The following OSBPL5 variants were observed in gnomAD, a reference collection of about 807,000 sequenced individuals.
OSBPL5 encodes the protein oxysterol binding protein like 5, also known as oxysterol-binding protein-related protein 5.
OSBPL5 carries 71 observed loss-of-function variants against 111.2 expected under a neutral mutation model. The observed-to-expected ratio is 0.64, with a 90% CI of 0.53 to 0.78. The LOEUF is 0.78. Ranked by LOEUF, OSBPL5 falls within the 30% of genes least tolerant of loss-of-function variation. The probability of loss-of-function intolerance (pLI) is 0.00; values close to 1 mark genes in which losing one functional copy is unlikely to be tolerated. For synonymous variants in OSBPL5, 549 were observed against 513.9 expected, an observed-to-expected ratio of 1.07 and a Z score of -0.93; for missense variants, 1,210 against 1,189.3, an observed-to-expected ratio of 1.02 and a Z score of -0.26.
Position 3,120,493 on chromosome 11 carries a change from C to T in OSBPL5, c.534G>A (p.Glu178=). The change falls in exon 6 of 22, where the codon GAG becomes GAA. Residue 178 remains glutamate (E), a synonymous_variant. Transcript: ENST00000263650. ...AGAAGCCGTCCTTCTTGGAGGGCCG[C>T]TCGATGAGCTCGCAGCAGTGCAGCA... ...TVLLHCCELI[E]RPSKKDGFCF... 1 of 1,613,388 alleles carries T rather than the reference C, an allele frequency of 6.2e-7. No homozygotes were observed. Among genetic ancestry groups the T allele is most frequent in the Non-Finnish European group, 8.5e-7 (1 of 1,180,038 alleles).
intron 10 of OSBPL5, among the ~76,000 whole-genome samples, chr11:3,103,863 G>GCCTGCGTA (rs1857593989): frequency 2.4e-5 from 1 of 42,122 alleles, no homozygotes; most frequent in African/African-American, 8.6e-5. Context: ...AGTCTGCGCA[G>GCCTGCGTA]CCCCCTTCCT....
Position 3,126,637 on chromosome 11 carries a change from C to T in OSBPL5, c.137-82G>A, listed in dbSNP as rs1386359888. 1.5e-5 allele frequency: 19 copies of T among 1,272,448 alleles called. No homozygotes were observed. The highest frequency in any genetic ancestry group is 2.6e-5 in the East Asian group (1 of 38,922). 78.8% of individuals were successfully genotyped at this position (1,272,448 alleles called of 1,614,324 possible). Reference sequence around the variant, plus strand: ...AGGCCGCTGCCTGGTGTGAGGCAGGCGAAGCGTGGGTGCGGATGACCTGGG... The same window carrying T: ...AGGCCGCTGCCTGGTGTGAGGCAGGTGAAGCGTGGGTGCGGATGACCTGGG... On this transcript the variant is annotated intron_variant, in intron 2 of 21. Coordinates refer to ENST00000263650, the MANE Select transcript of OSBPL5 (RefSeq NM_020896.4). The surrounding 1 kb of genome is among the most constrained non-coding windows in gnomAD (Gnocchi z 6.5).
intron 3 of OSBPL5, among the ~76,000 whole-genome samples, 163 bp from the exon 4 acceptor site, chr11:3,122,591 G>T (rs1858462687): frequency 6.6e-6 from 1 of 152,188 alleles, no homozygotes; most frequent in Non-Finnish European, 1.5e-5. Context: ...CACTTCCGGG[G>T]CTGCCATGGG....
At chr11:3,094,471 C>T (rs1857182616) in intron 14 of OSBPL5, 137 bp from the exon 15 acceptor site, 4 of 644,662 alleles carry the variant, frequency 6.2e-6, no homozygotes, top group South Asian at 1.8e-5. Context: ...TGTGTCAGTC[C>T]CTGGGAGGGT....
intron 1 of OSBPL5, among the ~76,000 whole-genome samples, chr11:3,153,761 C>T (rs775295470): frequency 5.9e-5 from 9 of 152,400 alleles, no homozygotes; most frequent in East Asian, 1.9e-4. Context: ...CCGGGAAGCA[C>T]AGCCCCAAGT....
chr11:3,126,715 G>C lies in OSBPL5; in HGVS notation c.137-160C>G, dbSNP rs1398812896. 3 of 542,192 alleles carry C rather than the reference G, an allele frequency of 5.5e-6. No homozygotes were observed. Among genetic ancestry groups the C allele is most frequent in the Non-Finnish European group, 9.8e-6 (3 of 307,536 alleles). The allele number at this position is 542,192 out of a possible 1,614,324, so 33.6% of individuals were successfully genotyped here. ...GGCAGGAACAGGACACTGCCTGAGA[G>C]GTGTAATAAACGCCAGCAAGCGTCA... On this transcript the variant is annotated intron_variant, in intron 2 of 21. Transcript: ENST00000263650. This position sits in a 1 kb window ranked among gnomAD's most constrained non-coding sequence, Gnocchi z 6.5.
intron 15 of OSBPL5, 79 bp from the exon 16 acceptor site, chr11:3,093,914 A>G: frequency 1.3e-6 from 2 of 1,501,612 alleles, no homozygotes; most frequent in Non-Finnish European, 1.8e-6. Flanking sequence ...GGGGCACGGA[A>G]CAGTTATTCT....
At position 3,092,913 on chromosome 11, in the gene OSBPL5, A is replaced by T; in HGVS notation, c.2086T>A (p.Phe696Ile). ...TCCTGGGTGATGGGGTCCAGGTGGA[A>T]CAGCTGCGGCTTCCAGGGCATGAGG... ...ESLMPWKPQLFHLDPITQEWH... is the reference protein window; with the variant it reads ...ESLMPWKPQLIHLDPITQEWH... Residue 696 changes from phenylalanine to isoleucine, a missense_variant, in exon 18 of 22, where the codon TTC (phenylalanine) becomes ATC (isoleucine). Coordinates refer to ENST00000263650, the MANE Select transcript of OSBPL5 (RefSeq NM_020896.4). This position sits in a 1 kb window ranked among gnomAD's most constrained non-coding sequence, Gnocchi z 5.4. The T allele has an allele frequency of 6.4e-7, 1 of 1,565,722 alleles. No individual in the cohort carries two copies. Among genetic ancestry groups the T allele is most frequent in the Non-Finnish European group, 8.7e-7 (1 of 1,155,098 alleles).
intron 11 of OSBPL5, 85 bp downstream of exon 11, chr11:3,103,154 G>T: frequency 8.1e-7 from 1 of 1,230,322 alleles, no homozygotes; most frequent in South Asian, 1.4e-5. Context: ...GTGGCCCGGG[G>T]ACTCAGGGAA....
In OSBPL5 at chr11:3,093,261, G is replaced by A. The variant is rs568678962; in HGVS notation, c.1947-209C>T. ...AACACTGAGCTCCCATCTCCCGCCT[G>A]CAGGGACCTCCCTGTGCACCTGTTG... On this transcript the variant is annotated intron_variant, in intron 17 of 21. Transcript: ENST00000263650. 30 of 735,720 alleles carry A rather than the reference G, an allele frequency of 4.1e-5. No individual in the cohort carries two copies. The South Asian group carries it at 5.1e-4, about 12-fold the overall frequency. The allele number at this position is 735,720 out of a possible 1,614,324, so 45.6% of individuals were successfully genotyped here.
In OSBPL5 at chr11:3,120,461, T is replaced by C; in HGVS notation, c.566A>G (p.Lys189Arg). ...RPSKKDGFCF[K>R]LFHPLDQSVW... ...GGACTGATCCAGCGGGTGGAAGAGCTTGAAGCAGAAGCCGTCCTTCTTGGA... is the reference window on the plus strand; with the variant it reads ...GGACTGATCCAGCGGGTGGAAGAGCCTGAAGCAGAAGCCGTCCTTCTTGGA... Residue 189 changes from lysine (K) to arginine (R), a missense_variant, in exon 6 of 22, where the codon AAG becomes AGG. By Grantham distance (26) the Lys-to-Arg change is conservative. Coordinates refer to ENST00000263650, the MANE Select transcript of OSBPL5 (RefSeq NM_020896.4). 6.2e-7 allele frequency: 1 copy of C among 1,613,296 alleles called. No individual in the cohort carries two copies. Among genetic ancestry groups the C allele is most frequent in the Non-Finnish European group, 8.5e-7 (1 of 1,180,002 alleles).
chr11:3,101,226 C>T (rs1247175844), intron 13 of OSBPL5, among the ~76,000 whole-genome samples: 1 of 151,806 alleles, frequency 6.6e-6, no homozygotes, highest in Non-Finnish European at 1.5e-5. Context: ...CCACCCACCT[C>T]GGCCTCCCAA....
chr11:3,107,111 CA>C lies in OSBPL5; in HGVS notation c.1059+151del. The C allele has an allele frequency of 1.3e-6, 1 of 750,080 alleles. No homozygotes were observed. The highest frequency in any genetic ancestry group is 2.1e-6 in the Non-Finnish European group (1 of 479,404). 46.5% of individuals were successfully genotyped at this position (750,080 alleles called of 1,614,324 possible). A position where few individuals can be genotyped will look rare whatever the true frequency, so the allele number is the denominator to read the frequency against. ...GGGAGGAGCCTGTTTACCTAAAAGA[CA>C]GCTCCTGGACTCACTGCCAAGTGAT... On this transcript the variant is annotated intron_variant, in intron 9 of 21. Coordinates refer to ENST00000263650, the MANE Select transcript of OSBPL5 (RefSeq NM_020896.4). The surrounding 1 kb of genome is among the most constrained non-coding windows in gnomAD (Gnocchi z 6.1).
intron 1 of OSBPL5, among the ~76,000 whole-genome samples, chr11:3,148,017 C>A (rs1846420519): frequency 6.6e-6 from 1 of 152,198 alleles, no homozygotes; most frequent in South Asian, 2.1e-4. Context: ...TCCGCACGCC[C>A]CCGGCACCCA....
chr11:3,119,907 G>T, intron 6 of OSBPL5: 3 of 491,122 alleles, frequency 6.1e-6, no homozygotes, highest in Non-Finnish European at 1.1e-5. Flanking sequence ...ATCAGCAAAG[G>T]CACATCCAGG....
At chr11:3,143,345 G>A (rs943109780) in intron 1 of OSBPL5, among the ~76,000 whole-genome samples, 2 of 152,108 alleles carry the variant, frequency 1.3e-5, no homozygotes, top group East Asian at 1.9e-4. Flanking sequence ...GGGCGAAAAC[G>A]CACGGACGCG....
Position 3,093,588 on chromosome 11 carries a change from T to C in OSBPL5, c.1885A>G (p.Arg629Gly), listed in dbSNP as rs1289615353. ...ACCGTGTGCTGCCTCAGCCTCTGTCTGCGGACCTCCCCGCTCGGGGTCCAG... is the reference window on the plus strand; with the variant it reads ...ACCGTGTGCTGCCTCAGCCTCTGTCCGCGGACCTCCCCGCTCGGGGTCCAG... The part of the protein sequence containing the change: ...LFWTPSGEVR[R>G]QRLRQHTVPL... Residue 629 changes from arginine (R) to glycine (G), a missense_variant, in exon 17 of 22, where the codon AGA (arginine) becomes GGA (glycine). Coordinates refer to ENST00000263650, the MANE Select transcript of OSBPL5 (RefSeq NM_020896.4). The C allele has an allele frequency of 1.2e-6, 2 of 1,612,538 alleles. No homozygotes were observed. Among genetic ancestry groups the C allele is most frequent in the East Asian group, 4.5e-5 (2 of 44,888 alleles).
intron 11 of OSBPL5, 131 bp downstream of exon 11, chr11:3,103,108 G>A: frequency 4.1e-6 from 3 of 731,530 alleles, no homozygotes; most frequent in Admixed American, 3.2e-5. Flanking sequence ...CTCTGTGGGG[G>A]TGACCAGGAT....
At position 3,161,418 on chromosome 11, in the gene OSBPL5, C is replaced by T. The variant is rs74925075; in HGVS notation, c.-22+3798G>A. 15,766 of 152,234 alleles carry T rather than the reference C, an allele frequency of 0.1. 854 individuals are homozygous for T. The highest frequency in any genetic ancestry group is 0.12 in the Non-Finnish European group (8,195 of 68,010). 9.4% of individuals were successfully genotyped at this position (152,234 alleles called of 1,614,324 possible). ...TGAGCTGGTCACGTCCCACACCAGC[C>T]GATGCTGGTGAAACCAGGACATGGT... is the stretch of plus-strand genomic sequence containing the variant. On this transcript the variant is annotated intron_variant, in intron 1 of 21. Transcript: ENST00000263650. The surrounding 1 kb of genome is among the most constrained non-coding windows in gnomAD (Gnocchi z 8.0).
Sources: allele counts gnomAD v4.1 joint callset (sites outside exome capture counted in the v4.1 genomes callset), GRCh38; gene constraint gnomAD v4.1.1; non-coding constraint Gnocchi (gnomAD v3.1); transcripts MANE v1.5; gene names NCBI Gene and HGNC (gene_info 2026-07-23, HGNC 2026-07-21).